MBNL2: variants seen among roughly 807,000 people sequenced by gnomAD.
MBNL2 encodes the protein muscleblind like splicing regulator 2.
MBNL2 carries 17 observed loss-of-function variants against 41.9 expected under a neutral mutation model. That is an observed-to-expected ratio of 0.41 (90% CI 0.28 to 0.61). MBNL2 has a LOEUF of 0.61. Ranked by LOEUF, MBNL2 falls within the 20% of genes least tolerant of loss-of-function variation. The probability of loss-of-function intolerance (pLI) is 0.35; values close to 1 mark genes in which losing one functional copy is unlikely to be tolerated. For missense variants in MBNL2, 336 were observed against 505.6 expected, an observed-to-expected ratio of 0.66 and a Z score of 3.22; for synonymous variants, 195 against 182.9, an observed-to-expected ratio of 1.07 and a Z score of -0.53.
intron 2 of MBNL2, among the ~76,000 whole-genome samples, chr13:97,312,033 G>C (rs1216587986): frequency 2.0e-5 from 3 of 152,172 alleles, no homozygotes; most frequent in Non-Finnish European, 4.4e-5. Context: ...AGCTCTTAGT[G>C]TTGAGTTCAA....
intron 2 of MBNL2, among the ~76,000 whole-genome samples, chr13:97,282,806 T>C (rs1026862678): frequency 1.3e-5 from 2 of 152,214 alleles, no homozygotes; most frequent in Admixed American, 1.3e-4. Context: ...TGGAAATCCA[T>C]GCCCAGTGAG....
intron 3 of MBNL2, among the ~76,000 whole-genome samples, chr13:97,338,709 G>A (rs1484767885): frequency 1.3e-4 from 20 of 152,186 alleles, no homozygotes; most frequent in Non-Finnish European, 1.5e-5. Context: ...ACCTTTAGGA[G>A]GATGGAGGTG....
the MBNL2 span, among the ~76,000 whole-genome samples, chr13:97,191,202 G>A: frequency 1.3e-5 from 2 of 151,566 alleles, no homozygotes; most frequent in East Asian, 1.9e-4. Context: ...GGTGGGAGGG[G>A]GTCCCCGGAA....
At chr13:97,274,683 T>C (rs9516886) in intron 1 of MBNL2, among the ~76,000 whole-genome samples, 71,272 of 152,008 alleles carry the variant, frequency 0.47, 18,510 homozygotes, top group East Asian at 0.62. Flanking sequence ...ATGAAAATAA[T>C]CAACTTCTGG....
chr13:97,202,614 T>TA, the MBNL2 span, among the ~76,000 whole-genome samples: 10 of 152,124 alleles, frequency 6.6e-5, no homozygotes, highest in Admixed American at 5.9e-4. Context: ...CTGCAATGTT[T>TA]AAAAAAAATA....
chr13:97,322,301 A>G (rs2059568895), intron 2 of MBNL2, among the ~76,000 whole-genome samples: 1 of 152,146 alleles, frequency 6.6e-6, no homozygotes, highest in Non-Finnish European at 1.5e-5. Context: ...AAAAAAGTGC[A>G]GCTTCCCCCT....
the MBNL2 span, among the ~76,000 whole-genome samples, chr13:97,152,347 T>C: frequency 1.3e-5 from 2 of 151,212 alleles, no homozygotes. Flanking sequence ...AAGAGTTTCA[T>C]AAAAAAAGAG....
the MBNL2 span, among the ~76,000 whole-genome samples, chr13:97,141,863 G>C: frequency 3.3e-5 from 5 of 152,216 alleles, no homozygotes; most frequent in African/African-American, 7.2e-5. Context: ...AGGCTGCGCA[G>C]AGAATGGAGA....
chr13:97,208,756 A>C, the MBNL2 span, among the ~76,000 whole-genome samples: 4 of 152,200 alleles, frequency 2.6e-5, no homozygotes, highest in African/African-American at 9.7e-5. Flanking sequence ...CCCTAACCTT[A>C]ATCTAAAGAT....
intron 3 of MBNL2, among the ~76,000 whole-genome samples, chr13:97,341,528 T>C (rs988062789): frequency 3.3e-5 from 5 of 152,088 alleles, no homozygotes; most frequent in African/African-American, 9.6e-5. Flanking sequence ...AAGAAAAAAA[T>C]TCTAACTGCC....
chr13:97,298,832 T>G (rs2057330483), intron 2 of MBNL2, among the ~76,000 whole-genome samples: 1 of 152,170 alleles, frequency 6.6e-6, no homozygotes, highest in Non-Finnish European at 1.5e-5. Flanking sequence ...TACACGGCAT[T>G]AAGGATTGCT....
At chr13:97,150,848 G>A in the MBNL2 span, among the ~76,000 whole-genome samples, 11 of 152,170 alleles carry the variant, frequency 7.2e-5, 1 homozygote, top group African/African-American at 2.7e-4. Context: ...AGGTAACCTT[G>A]ACTGTGGGGC....
the MBNL2 span, among the ~76,000 whole-genome samples, chr13:97,152,599 C>A: frequency 6.6e-6 from 1 of 152,132 alleles, no homozygotes; most frequent in Non-Finnish European, 1.5e-5. Context: ...CAATACCACA[C>A]TGGAAAGAAG....
At chr13:97,266,372 G>A (rs899380956) in intron 1 of MBNL2, among the ~76,000 whole-genome samples, 4 of 152,250 alleles carry the variant, frequency 2.6e-5, no homozygotes, top group African/African-American at 7.2e-5. Flanking sequence ...AGTCAATCGA[G>A]TTCTCTATTC....
intron 8 of MBNL2, among the ~76,000 whole-genome samples, chr13:97,369,783 G>A (rs1173012741): frequency 6.6e-6 from 1 of 152,114 alleles, no homozygotes; most frequent in African/African-American, 2.4e-5. Flanking sequence ...TTAGACTGGT[G>A]GTTTGAGATT....
chr13:97,368,092 T>G (rs1219535095), intron 8 of MBNL2, among the ~76,000 whole-genome samples: 2 of 152,172 alleles, frequency 1.3e-5, no homozygotes, highest in African/African-American at 4.8e-5. Flanking sequence ...TGACCCAATT[T>G]TTATTACAAA....
At chr13:97,173,612 A>C in the MBNL2 span, among the ~76,000 whole-genome samples, 1 of 150,242 alleles carries the variant, frequency 6.7e-6, no homozygotes, top group Non-Finnish European at 1.5e-5. Flanking sequence ...CAAATCAGAC[A>C]TGTCACTCCT....
chr13:97,212,407 A>G, the MBNL2 span, among the ~76,000 whole-genome samples: 2 of 152,118 alleles, frequency 1.3e-5, no homozygotes, highest in Non-Finnish European at 2.9e-5. Flanking sequence ...AGTAGAAGCC[A>G]CAGCTACCCC....
chr13:97,169,292 G>A, the MBNL2 span, among the ~76,000 whole-genome samples: 45 of 152,260 alleles, frequency 3.0e-4, no homozygotes, highest in East Asian at 8.5e-3. Context: ...ATCAACTCAG[G>A]TGGTTCCATT....
Sources: allele counts gnomAD v4.1 joint callset (sites outside exome capture counted in the v4.1 genomes callset), GRCh38; gene constraint gnomAD v4.1.1; transcripts MANE v1.5; gene names NCBI Gene and HGNC (gene_info 2026-07-23, HGNC 2026-07-21).